DEPTOR: variants seen among roughly 807,000 people sequenced by gnomAD.
The protein encoded by DEPTOR is DEP domain-containing mTOR-interacting protein.
Under a neutral mutation model 41.6 loss-of-function variants are expected in DEPTOR, and 41 were observed. That is an observed-to-expected ratio of 0.98 (90% CI 0.77 to 1.28). The LOEUF is 1.28. Ranked by LOEUF, DEPTOR falls within the 50% of genes most tolerant of loss-of-function variation. DEPTOR has a pLI of 0.00. For missense variants in DEPTOR, 514 were observed against 527.9 expected (o/e 0.97, Z 0.26); for synonymous variants, 195 against 192.3 (o/e 1.01, Z -0.12).
intron 4 of DEPTOR, among the ~76,000 whole-genome samples, chr8:119,994,063 G>A (rs1448961921): frequency 6.6e-6 from 1 of 151,912 alleles, no homozygotes; most frequent in Admixed American, 6.6e-5. Context: ...GGCTGACGCA[G>A]GAGGTGGAGG....
chr8:119,961,357 G>T (rs141674325), intron 3 of DEPTOR, among the ~76,000 whole-genome samples: 1 of 150,290 alleles, frequency 6.7e-6, no homozygotes, highest in Non-Finnish European at 1.5e-5. Flanking sequence ...TAGAGGTTGC[G>T]GTGAGCTGAG....
intron 7 of DEPTOR, among the ~76,000 whole-genome samples, chr8:120,008,693 C>T (rs1011377713): frequency 2.0e-5 from 3 of 152,160 alleles, no homozygotes; most frequent in Admixed American, 6.6e-5. Flanking sequence ...ATTTCAACCA[C>T]GTTACGACTT....
At chr8:119,880,611 A>G (rs1827286668) in intron 1 of DEPTOR, among the ~76,000 whole-genome samples, 1 of 152,228 alleles carries the variant, frequency 6.6e-6, no homozygotes, top group Non-Finnish European at 1.5e-5. Context: ...GTAGACAAGT[A>G]GCTTTTCCAT....
At chr8:119,925,747 C>G (rs186096817) in intron 1 of DEPTOR, among the ~76,000 whole-genome samples, 6 of 152,304 alleles carry the variant, frequency 3.9e-5, no homozygotes, top group African/African-American at 1.4e-4. Context: ...GCCTCAGCCT[C>G]CTTAGTAGCT....
intron 3 of DEPTOR, among the ~76,000 whole-genome samples, chr8:119,956,352 CATGTTGTAA>C (rs1394804188): frequency 1.3e-5 from 2 of 152,172 alleles, no homozygotes; most frequent in Non-Finnish European, 2.9e-5. Flanking sequence ...GCTGGTGGAG[CATGTTGTAA>C]ATGGCAAGTT....
chr8:119,961,725 TAAAGAGGGTTTGGACTAC>T (rs1197589324), intron 3 of DEPTOR, among the ~76,000 whole-genome samples: 3 of 152,170 alleles, frequency 2.0e-5, no homozygotes, highest in Admixed American at 6.6e-5. Context: ...CTCATGTGAA[TAAAGAGGGTTTGGACTAC>T]AATGATCTCC....
intron 3 of DEPTOR, among the ~76,000 whole-genome samples, chr8:119,962,956 G>T (rs1412454131): frequency 1.3e-5 from 2 of 152,158 alleles, no homozygotes; most frequent in Non-Finnish European, 2.9e-5. Flanking sequence ...TGTAAGCATT[G>T]ACTGGCACAG....
At chr8:119,912,115 G>A (rs2129789276) in intron 1 of DEPTOR, among the ~76,000 whole-genome samples, 1 of 152,272 alleles carries the variant, frequency 6.6e-6, no homozygotes, top group African/African-American at 2.4e-5. Context: ...AACACATCAT[G>A]GAAGAAGGCT....
At chr8:119,876,870 C>T (rs1159729058) in intron 1 of DEPTOR, among the ~76,000 whole-genome samples, 4 of 152,086 alleles carry the variant, frequency 2.6e-5, no homozygotes, top group Admixed American at 6.6e-5. Flanking sequence ...CATGGAGTTG[C>T]GAGAATTTGC....
At chr8:119,886,809 T>C (rs1035900536) in intron 1 of DEPTOR, among the ~76,000 whole-genome samples, 3 of 152,146 alleles carry the variant, frequency 2.0e-5, no homozygotes, top group African/African-American at 7.2e-5. Context: ...TAGACAACTA[T>C]ATTTCAGCTA....
intron 1 of DEPTOR, among the ~76,000 whole-genome samples, chr8:119,927,629 A>G (rs943737625): frequency 2.0e-5 from 3 of 149,560 alleles, no homozygotes; most frequent in African/African-American, 7.3e-5. Context: ...ATATTTTAAG[A>G]CGGAGTTTCA....
chr8:119,915,495 A>C (rs1827799594), intron 1 of DEPTOR, among the ~76,000 whole-genome samples: 1 of 152,144 alleles, frequency 6.6e-6, no homozygotes, highest in Non-Finnish European at 1.5e-5. Flanking sequence ...CTCTCTCATC[A>C]GCAGTCCACT....
intron 5 of DEPTOR, 74 bp downstream of exon 5, chr8:120,001,784 G>A (rs1256857520): frequency 2.7e-6 from 4 of 1,483,284 alleles, no homozygotes; most frequent in Non-Finnish European, 2.7e-6. Context: ...ACTCACCTTT[G>A]TGAAATTCTG....
At chr8:119,972,899 T>C (rs1257736356) in intron 4 of DEPTOR, among the ~76,000 whole-genome samples, 1 of 152,046 alleles carries the variant, frequency 6.6e-6, no homozygotes, top group Non-Finnish European at 1.5e-5. Context: ...CCAGGGACCT[T>C]GAGATTTTTG....
At chr8:119,879,604 C>T (rs987572585) in intron 1 of DEPTOR, among the ~76,000 whole-genome samples, 8 of 151,512 alleles carry the variant, frequency 5.3e-5, no homozygotes, top group Non-Finnish European at 7.4e-5. Context: ...CCCATCTACT[C>T]AGGAGGCGAG....
chr8:119,998,540 G>C (rs1356748), intron 4 of DEPTOR, among the ~76,000 whole-genome samples: 55,777 of 151,986 alleles, frequency 0.37, 10,969 homozygotes, highest in East Asian at 0.59. Flanking sequence ...CCGCATGATG[G>C]TGACCAGTTT....
At chr8:119,885,889 G>A (rs1202249756) in intron 1 of DEPTOR, among the ~76,000 whole-genome samples, 6 of 151,678 alleles carry the variant, frequency 4.0e-5, no homozygotes, top group South Asian at 2.1e-4. Flanking sequence ...TTCAGAGTAC[G>A]TTGTAGACAA....
At chr8:119,979,772 A>G (rs923364846) in intron 4 of DEPTOR, among the ~76,000 whole-genome samples, 1 of 151,994 alleles carries the variant, frequency 6.6e-6, no homozygotes, top group African/African-American at 2.4e-5. Context: ...GCCACTGGGG[A>G]AGGGGTGGGT....
chr8:120,047,260 G>C (rs1396791331), intron 8 of DEPTOR, among the ~76,000 whole-genome samples: 1 of 151,956 alleles, frequency 6.6e-6, no homozygotes, highest in Non-Finnish European at 1.5e-5. Flanking sequence ...GGCCTCAGGT[G>C]ATCTGCCCGC....
Sources: allele counts gnomAD v4.1 joint callset (sites outside exome capture counted in the v4.1 genomes callset), GRCh38; gene constraint gnomAD v4.1.1; transcripts MANE v1.5; gene names NCBI Gene and HGNC (gene_info 2026-07-23, HGNC 2026-07-21).